The following DLG2 variants were observed in gnomAD, a reference collection of about 807,000 sequenced individuals.
DLG2 encodes the protein disks large homolog 2.
Under a neutral mutation model 132.5 loss-of-function variants are expected in DLG2, and 45 were observed. That is an observed-to-expected ratio of 0.34 (90% CI 0.27 to 0.44). DLG2 has a LOEUF of 0.44. DLG2 is among the 20% of genes least tolerant of loss of function. DLG2 has a pLI of 1.00. For synonymous variants in DLG2, 424 were observed against 419.6 expected, an observed-to-expected ratio of 1.01 and a Z score of -0.13; for missense variants, 1,045 against 1,196.9, an observed-to-expected ratio of 0.87 and a Z score of 1.87.
At chr11:84,357,334 A>G (rs2098621397) in intron 7 of DLG2, among the ~76,000 whole-genome samples, 1 of 152,058 alleles carries the variant, frequency 6.6e-6, no homozygotes, top group Non-Finnish European at 1.5e-5. Flanking sequence ...ATAATGTATC[A>G]AAAGGCACAC....
intron 7 of DLG2, among the ~76,000 whole-genome samples, chr11:84,277,230 A>C (rs190683802): frequency 3.9e-5 from 6 of 152,384 alleles, no homozygotes. Context: ...AATTTGAGCT[A>C]ATAAACCTTT....
intron 5 of DLG2, among the ~76,000 whole-genome samples, chr11:85,121,137 C>G (rs1366024972): frequency 6.6e-6 from 1 of 151,780 alleles, no homozygotes; most frequent in Non-Finnish European, 1.5e-5. Context: ...GAAATGTAAA[C>G]CAGTATAAAA....
chr11:85,034,157 A>G (rs1261052007), intron 6 of DLG2, among the ~76,000 whole-genome samples: 2 of 151,006 alleles, frequency 1.3e-5, no homozygotes, highest in East Asian at 3.9e-4. Flanking sequence ...GGCTCACTGC[A>G]AGCTCCACCT....
At chr11:84,362,337 C>T (rs1209352810) in intron 7 of DLG2, among the ~76,000 whole-genome samples, 4 of 151,930 alleles carry the variant, frequency 2.6e-5, no homozygotes, top group African/African-American at 9.7e-5. Flanking sequence ...GAATTAATCA[C>T]TTCCTCCAAA....
intron 5 of DLG2, among the ~76,000 whole-genome samples, chr11:85,121,519 C>T (rs1030914361): frequency 1.3e-5 from 2 of 151,732 alleles, no homozygotes; most frequent in Admixed American, 6.6e-5. Context: ...GATCTGACTG[C>T]TTTAGTTTTT....
At chr11:85,399,252 T>A (rs1324153932) in intron 3 of DLG2, among the ~76,000 whole-genome samples, 1 of 152,068 alleles carries the variant, frequency 6.6e-6, no homozygotes, top group Non-Finnish European at 1.5e-5. Context: ...CAAGGAGAAC[T>A]ACAAACCACT....
chr11:85,007,664 C>CAA (rs57188165), intron 6 of DLG2, among the ~76,000 whole-genome samples: 8 of 88,528 alleles, frequency 9.0e-5, no homozygotes, highest in Non-Finnish European at 1.5e-4. Context: ...GACTCCGTCT[C>CAA]AAAAAAAAAA....
intron 17 of DLG2, among the ~76,000 whole-genome samples, chr11:83,794,626 A>G (rs1176569761): frequency 1.3e-5 from 2 of 152,098 alleles, no homozygotes; most frequent in Admixed American, 1.3e-4. Flanking sequence ...ACATTAATTG[A>G]GCATCAGGTA....
intron 7 of DLG2, among the ~76,000 whole-genome samples, chr11:84,272,777 C>T (rs1030207537): frequency 1.3e-5 from 2 of 152,010 alleles, no homozygotes; most frequent in Non-Finnish European, 2.9e-5. Flanking sequence ...AACCTAACTG[C>T]AAAAGATATT....
chr11:84,218,266 A>AG (rs2096863794), intron 8 of DLG2, among the ~76,000 whole-genome samples: 1 of 147,226 alleles, frequency 6.8e-6, no homozygotes, highest in Non-Finnish European at 1.5e-5. Context: ...GGAGGGAGGG[A>AG]GGGAAAAAGG....
chr11:83,700,935 G>A (rs1416730240), intron 18 of DLG2, among the ~76,000 whole-genome samples: 1 of 152,210 alleles, frequency 6.6e-6, no homozygotes, highest in Non-Finnish European at 1.5e-5. Context: ...GTTATGCTAA[G>A]TGGCTGACAA....
At chr11:84,730,523 T>C (rs2063032174) in intron 6 of DLG2, among the ~76,000 whole-genome samples, 1 of 152,080 alleles carries the variant, frequency 6.6e-6, no homozygotes, top group South Asian at 2.1e-4. Context: ...TCTATTTTTA[T>C]ATTGTGTTGC....
rs369885744 is a variant in DLG2 at position 84,685,711 on chromosome 11, CCTT to C, written c.358-150983_358-150981del. On this transcript the variant is annotated intron_variant, in intron 6 of 27. Coordinates refer to ENST00000376104, the MANE Select transcript of DLG2 (RefSeq NM_001142699.3). ...ATATTTTGCTCTGTATTTTCTGTATCCTTTTTTTTTTTGAGACGGAGTCTCGCT... is the reference window on the plus strand; with the variant it reads ...ATATTTTGCTCTGTATTTTCTGTATCTTTTTTTTTGAGACGGAGTCTCGCT... Among the ~76,000 whole-genome samples the C allele has an allele frequency of 2.4e-3, 360 of 151,646 alleles. 3 individuals are homozygous for C. The highest frequency in any genetic ancestry group is 8.5e-3 in the African/African-American group (350 of 41,342).
intron 6 of DLG2, among the ~76,000 whole-genome samples, chr11:84,803,341 C>G (rs888708269): frequency 6.6e-6 from 1 of 152,138 alleles, no homozygotes. Context: ...TCTGTGTCTT[C>G]TTTAATGAAA....
intron 11 of DLG2, among the ~76,000 whole-genome samples, chr11:83,987,209 A>C (rs1367115184): frequency 6.6e-6 from 1 of 152,144 alleles, no homozygotes; most frequent in African/African-American, 2.4e-5. Flanking sequence ...ATACAAACAA[A>C]TGGAAGAACA....
At chr11:85,499,809 T>G (rs286530) in intron 3 of DLG2, among the ~76,000 whole-genome samples, 1 of 152,084 alleles carries the variant, frequency 6.6e-6, no homozygotes, top group African/African-American at 2.4e-5. Context: ...AATCAATAAA[T>G]GTAATCCATC....
In DLG2 at chr11:84,624,857, CTTTTTT is replaced by C. The variant is rs776520040; in HGVS notation, c.358-90132_358-90127del. 3.8e-4 allele frequency among the ~76,000 whole-genome samples: 29 copies of C among 76,180 alleles called. 5 individuals carry two copies. The highest frequency in any genetic ancestry group is 3.4e-3 in the African/African-American group (29 of 8,546). The allele number at this position is 76,180 out of a possible 152,430, so 50.0% of individuals were successfully genotyped here. A position where few individuals can be genotyped will look rare whatever the true frequency, so the allele number is the denominator to read the frequency against. On this transcript the variant is annotated intron_variant, in intron 6 of 27. Coordinates refer to ENST00000376104, the MANE Select transcript of DLG2 (RefSeq NM_001142699.3). ...AGTTACCTCTCAGAAGAGAGTCAAC[CTTTTTT>C]TTTTTTTTTTTTGAGACGGAGTCTC...
chr11:84,996,058 A>AT (rs922255655), intron 6 of DLG2, among the ~76,000 whole-genome samples: 60 of 149,610 alleles, frequency 4.0e-4, no homozygotes, highest in African/African-American at 1.2e-3. Context: ...TTTGTGGACA[A>AT]TTTTTTTTTT....
At chr11:84,823,554 T>A (rs2077952549) in intron 6 of DLG2, among the ~76,000 whole-genome samples, 1 of 146,574 alleles carries the variant, frequency 6.8e-6, no homozygotes, top group Non-Finnish European at 1.5e-5. Flanking sequence ...TCCTGAACCA[T>A]CCTGTTAGAA....
Sources: allele counts gnomAD v4.1 joint callset (sites outside exome capture counted in the v4.1 genomes callset), GRCh38; gene constraint gnomAD v4.1.1; transcripts MANE v1.5; gene names NCBI Gene and HGNC (gene_info 2026-07-23, HGNC 2026-07-21).